SLC24A2: variants seen among roughly 807,000 people sequenced by gnomAD.
The protein encoded by SLC24A2 is solute carrier family 24 member 2.
In SLC24A2, 36 loss-of-function variants were observed where a neutral mutation model predicts 62.0. That is an observed-to-expected ratio of 0.58 (90% CI 0.44 to 0.77). The LOEUF (loss-of-function observed/expected upper bound fraction) is 0.77, where lower values mean the gene tolerates loss of function less well. Ranked by LOEUF, SLC24A2 falls within the 30% of genes least tolerant of loss-of-function variation. The pLI, the probability that SLC24A2 is intolerant of heterozygous loss-of-function variation, is 0.00. For missense variants in SLC24A2, 846 were observed against 817.9 expected, an observed-to-expected ratio of 1.03 and a Z score of -0.42; for synonymous variants, 358 against 294.0, an observed-to-expected ratio of 1.22 and a Z score of -2.23.
chr9:19,752,608 A>G (rs1164302716), intron 2 of SLC24A2, among the ~76,000 whole-genome samples: 1 of 152,166 alleles, frequency 6.6e-6, no homozygotes, highest in Non-Finnish European at 1.5e-5. Context: ...GTTTCCTCCT[A>G]TATAAATAGA....
chr9:20,041,721 A>G, the SLC24A2 span, among the ~76,000 whole-genome samples: 1 of 152,258 alleles, frequency 6.6e-6, no homozygotes, highest in African/African-American at 2.4e-5. Flanking sequence ...AAAGATGGGC[A>G]GGGCTCAAAA....
At chr9:19,829,155 C>G in the SLC24A2 span, among the ~76,000 whole-genome samples, 2 of 152,142 alleles carry the variant, frequency 1.3e-5, no homozygotes, top group Non-Finnish European at 2.9e-5. Flanking sequence ...ACCTGAAACT[C>G]ACGGGGTATG....
the SLC24A2 span, among the ~76,000 whole-genome samples, chr9:19,834,732 A>T: frequency 6.6e-6 from 1 of 152,174 alleles, no homozygotes; most frequent in African/African-American, 2.4e-5. Context: ...GAACGCCACA[A>T]AGATACTCCT....
the SLC24A2 span, among the ~76,000 whole-genome samples, chr9:20,122,175 C>T: frequency 6.6e-6 from 1 of 152,308 alleles, no homozygotes; most frequent in East Asian, 1.9e-4. Context: ...ACAGTGTTAG[C>T]AGAGCATTTA....
At chr9:19,526,124 G>C (rs374790969) in intron 9 of SLC24A2, among the ~76,000 whole-genome samples, 5 of 152,044 alleles carry the variant, frequency 3.3e-5, no homozygotes, top group African/African-American at 7.2e-5. Context: ...TTTGTAACTG[G>C]CTTTTTTCAC....
At chr9:19,636,315 T>TTTTCTTTTCTTTTCCTTCCTTTC in intron 2 of SLC24A2, among the ~76,000 whole-genome samples, 1 of 40,328 alleles carries the variant, frequency 2.5e-5, no homozygotes, top group African/African-American at 1.2e-4. Flanking sequence ...TTTTCTTTTC[T>TTTTCTTTTCTTTTCCTTCCTTTC]TTTCTTTCTT....
the SLC24A2 span, among the ~76,000 whole-genome samples, chr9:19,860,825 G>A: frequency 7.2e-5 from 11 of 152,204 alleles, no homozygotes; most frequent in Non-Finnish European, 1.2e-4. Context: ...GTGGGCCCGA[G>A]GTGGCAGTGG....
At chr9:20,080,102 T>G in the SLC24A2 span, among the ~76,000 whole-genome samples, 4 of 152,324 alleles carry the variant, frequency 2.6e-5, no homozygotes, top group East Asian at 7.7e-4. Flanking sequence ...CCAATGACTT[T>G]CTTCACAGAA....
chr9:20,273,733 A>G, the SLC24A2 span, among the ~76,000 whole-genome samples: 20 of 152,294 alleles, frequency 1.3e-4, no homozygotes, highest in East Asian at 3.5e-3. Context: ...TGTCTTTATT[A>G]GCAGTGTGAA....
the SLC24A2 span, among the ~76,000 whole-genome samples, chr9:20,019,099 A>AAGAC: frequency 6.1e-5 from 3 of 48,822 alleles, no homozygotes; most frequent in East Asian, 3.2e-3. Flanking sequence ...GAAAGAAAGA[A>AAGAC]AGATAGAAAG....
intron 2 of SLC24A2, among the ~76,000 whole-genome samples, chr9:19,732,894 T>C (rs1487918656): frequency 6.6e-6 from 1 of 152,188 alleles, no homozygotes; most frequent in Non-Finnish European, 1.5e-5. Context: ...TCCAGATTTT[T>C]CAATTGCCAT....
chr9:19,883,045 C>T, the SLC24A2 span, among the ~76,000 whole-genome samples: 1 of 152,100 alleles, frequency 6.6e-6, no homozygotes, highest in African/African-American at 2.4e-5. Context: ...CGTTAGATCT[C>T]TATTTATTAC....
chr9:20,221,587 G>T, the SLC24A2 span, among the ~76,000 whole-genome samples: 13 of 151,520 alleles, frequency 8.6e-5, no homozygotes, highest in Admixed American at 7.9e-4. Context: ...ATCTAAAATT[G>T]AAAAAATGTA....
At chr9:19,924,860 C>T in the SLC24A2 span, among the ~76,000 whole-genome samples, 1 of 152,162 alleles carries the variant, frequency 6.6e-6, no homozygotes, top group African/African-American at 2.4e-5. Context: ...TAATTACTAT[C>T]CTTCAGCTCA....
intron 2 of SLC24A2, among the ~76,000 whole-genome samples, chr9:19,737,060 G>A (rs1230073975): frequency 6.6e-6 from 1 of 152,170 alleles, no homozygotes; most frequent in Non-Finnish European, 1.5e-5. Flanking sequence ...AATCAGTATT[G>A]AACAAATAAT....
At chr9:20,300,892 T>C in the SLC24A2 span, among the ~76,000 whole-genome samples, 1 of 152,214 alleles carries the variant, frequency 6.6e-6, no homozygotes, top group Admixed American at 6.5e-5. Context: ...CAGGGACATT[T>C]GCCTGCCTGC....
intron 8 of SLC24A2, among the ~76,000 whole-genome samples, chr9:19,542,688 A>G (rs201078702): frequency 3.9e-5 from 6 of 152,204 alleles, no homozygotes; most frequent in African/African-American, 1.4e-4. Flanking sequence ...CATCTGTTGA[A>G]ATAATCACGT....
the SLC24A2 span, among the ~76,000 whole-genome samples, chr9:19,826,789 G>A: frequency 1.3e-4 from 20 of 152,248 alleles, no homozygotes; most frequent in East Asian, 1.9e-3. Flanking sequence ...TAGTTTCAAC[G>A]TGATTTTTGG....
chr9:20,119,736 G>A, the SLC24A2 span, among the ~76,000 whole-genome samples: 11 of 152,296 alleles, frequency 7.2e-5, no homozygotes, highest in Non-Finnish European at 1.3e-4. Flanking sequence ...GTTCAGCATT[G>A]TACAGGAGTT....
Sources: allele counts gnomAD v4.1 joint callset (sites outside exome capture counted in the v4.1 genomes callset), GRCh38; gene constraint gnomAD v4.1.1; transcripts MANE v1.5; gene names NCBI Gene and HGNC (gene_info 2026-07-23, HGNC 2026-07-21).